TMCO6: variants seen among roughly 807,000 people sequenced by gnomAD.
TMCO6 encodes the protein transmembrane and coiled-coil domain-containing protein 6.
A neutral mutation model predicts 61.8 loss-of-function variants in TMCO6; 47 were observed. The ratio of observed to expected loss-of-function variants is 0.76; its 90% CI spans 0.60 to 0.97. The LOEUF is 0.97. TMCO6 is among the 50% of genes least tolerant of loss of function. The probability of loss-of-function intolerance (pLI) is 0.00; values close to 1 mark genes in which losing one functional copy is unlikely to be tolerated. For missense variants in TMCO6, 557 were observed against 601.6 expected, an observed-to-expected ratio of 0.93 and a Z score of 0.78; for synonymous variants, 261 against 254.2, an observed-to-expected ratio of 1.03 and a Z score of -0.25.
chr5:140,622,037 T>C, the TMCO6 span, among the ~76,000 whole-genome samples: 1 of 152,222 alleles, frequency 6.6e-6, no homozygotes, highest in Non-Finnish European at 1.5e-5. Context: ...CTGCCTCCAC[T>C]TGCCTTGTGA....
At chr5:140,610,304 C>G in the TMCO6 span, among the ~76,000 whole-genome samples, 1 of 151,716 alleles carries the variant, frequency 6.6e-6, no homozygotes, top group South Asian at 2.1e-4. Context: ...TTGCAGTGAG[C>G]TGAGATCATG....
chr5:140,642,648 G>C lies in TMCO6; in HGVS notation c.666G>C (p.Glu222Asp). 1.2e-6 allele frequency: 2 copies of C among 1,614,224 alleles called. No homozygotes were observed. The highest frequency in any genetic ancestry group is 1.7e-6 in the Non-Finnish European group (2 of 1,180,042). The change falls in exon 6 of 12, where the codon GAG becomes GAC. Residue 222 changes from glutamate to aspartate, a missense_variant. By Grantham distance (45) the Glu-to-Asp change is conservative. Coordinates refer to ENST00000394671, the MANE Select transcript of TMCO6 (RefSeq NM_018502.5). ...CCTTGTCCCAGCTTCTACAGGCTGA[G>C]GAAGCTCCAGAGAAGATCATTCCGT... ...GYALSQLLQA[E>D]EAPEKIIPSI... is the part of the protein sequence containing the mutation.
the TMCO6 span, chr5:140,632,862 G>A: frequency 2.9e-5 from 46 of 1,614,028 alleles, no homozygotes; most frequent in Non-Finnish European, 3.6e-5. This position sits in a 1 kb window ranked among gnomAD's most constrained non-coding sequence, Gnocchi z 6.2. Flanking sequence ...GTCGGGCTGA[G>A]GTTCGGAGAA....
At chr5:140,618,426 CAAAAA>C in the TMCO6 span, among the ~76,000 whole-genome samples, 1 of 149,736 alleles carries the variant, frequency 6.7e-6, no homozygotes, top group African/African-American at 2.5e-5. Flanking sequence ...GAGTGAAACT[CAAAAA>C]AGAAAAAGAA....
chr5:140,612,270 C>T, the TMCO6 span, among the ~76,000 whole-genome samples: 1 of 152,130 alleles, frequency 6.6e-6, no homozygotes, highest in East Asian at 1.9e-4. Flanking sequence ...CGCTCCTTGC[C>T]TCACTTCCTT....
At chr5:140,620,133 T>A in the TMCO6 span, among the ~76,000 whole-genome samples, 1 of 152,222 alleles carries the variant, frequency 6.6e-6, no homozygotes, top group African/African-American at 2.4e-5. Context: ...AACTAAGATG[T>A]CCTTTAGTAG....
the TMCO6 span, chr5:140,633,789 CTTTTTTTTTT>C: frequency 8.0e-6 from 1 of 124,406 alleles, no homozygotes. Context: ...AACTTTCTTT[CTTTTTTTTTT>C]TTTTTTTTGA....
chr5:140,642,099 AT>A (rs1561949288), intron 4 of TMCO6, 46 bp downstream of exon 4: 2 of 1,575,678 alleles, frequency 1.3e-6, no homozygotes, highest in East Asian at 4.5e-5. Context: ...AGATTTTAAA[AT>A]TGTGCTTTTG....
the TMCO6 span, among the ~76,000 whole-genome samples, chr5:140,618,018 A>G: frequency 6.6e-6 from 1 of 152,190 alleles, no homozygotes; most frequent in Non-Finnish European, 1.5e-5. Flanking sequence ...ACTTCAAGAT[A>G]CTATAAAGCT....
At position 140,642,063 on chromosome 5, in the gene TMCO6, G is replaced by T. The variant is rs1259441942; in HGVS notation, c.498+10G>T. 3.1e-6 allele frequency: 5 copies of T among 1,593,492 alleles called. No individual in the cohort carries two copies. The South Asian group carries it at 4.4e-5, about 14-fold the overall frequency. The stretch of plus-strand genomic sequence containing the variant: ...CAGCTCAGACTTCATAGTAAGCCCT[G>T]TCCCTTCCTATCTTGTTCTTGGTTT... On this transcript the variant is annotated intron_variant, in intron 4 of 11. Transcript: ENST00000394671.
upstream of TMCO6, among the ~76,000 whole-genome samples, chr5:140,638,293 G>C (rs942658224): frequency 1.3e-5 from 2 of 152,194 alleles, no homozygotes; most frequent in Non-Finnish European, 2.9e-5. Context: ...GTAAAAGAAA[G>C]TGGAGAGGAA....
At chr5:140,626,142 C>T in the TMCO6 span, among the ~76,000 whole-genome samples, 1 of 152,102 alleles carries the variant, frequency 6.6e-6, no homozygotes, top group South Asian at 2.1e-4. Flanking sequence ...ATAGCCAGGC[C>T]AAACCTGTCC....
upstream of TMCO6, among the ~76,000 whole-genome samples, chr5:140,638,570 T>TA (rs1220903768): frequency 1.4e-5 from 2 of 147,250 alleles, no homozygotes; most frequent in Non-Finnish European, 3.0e-5. Flanking sequence ...TCTTTCTTTT[T>TA]TTTTTTTTTG....
chr5:140,639,630 A>T lies in TMCO6; in HGVS notation c.85+18A>T, dbSNP rs1756886135. The T allele has an allele frequency of 6.5e-7, 1 of 1,539,958 alleles. No homozygotes were observed. Among genetic ancestry groups the T allele is most frequent in the South Asian group, 1.2e-5 (1 of 82,772 alleles). On this transcript the variant is annotated intron_variant, in intron 1 of 11. Coordinates refer to ENST00000394671, the MANE Select transcript of TMCO6 (RefSeq NM_018502.5). ...GGAGGCAGGTGTGGGCGGCCGAGGG[A>T]GCGCGGGGGTATATGGCGGTCGGGG...
the TMCO6 span, among the ~76,000 whole-genome samples, chr5:140,602,607 A>T: frequency 1.3e-5 from 2 of 151,974 alleles, no homozygotes; most frequent in Admixed American, 1.3e-4. Context: ...CTACAAAAAT[A>T]CAAAAAATTA....
At chr5:140,611,643 T>G in the TMCO6 span, among the ~76,000 whole-genome samples, 4 of 152,190 alleles carry the variant, frequency 2.6e-5, no homozygotes, top group Non-Finnish European at 4.4e-5. Context: ...TCCCAATTGG[T>G]CATGGTGCAT....
the TMCO6 span, chr5:140,633,069 C>T: frequency 1.2e-6 from 2 of 1,614,152 alleles, no homozygotes; most frequent in Non-Finnish European, 1.7e-6. Context: ...CTACACTCAC[C>T]ATGGTCGATA....
At chr5:140,641,602 A>G in intron 2 of TMCO6, 63 bp from the exon 3 acceptor site, 6 of 1,431,772 alleles carry the variant, frequency 4.2e-6, no homozygotes, top group Admixed American at 1.8e-5. Context: ...AAGTGGGCAG[A>G]GAGAGACTTA....
the TMCO6 span, among the ~76,000 whole-genome samples, chr5:140,630,627 C>T: frequency 3.3e-5 from 5 of 152,192 alleles, no homozygotes; most frequent in Non-Finnish European, 5.9e-5. Flanking sequence ...AAGAAAAAAA[C>T]TGCCTTGAGA....
Sources: gnomAD v4.1 joint callset for allele counts (sites outside exome capture counted in the v4.1 genomes callset) on GRCh38, gnomAD v4.1.1 for gene constraint, Gnocchi (gnomAD v3.1) non-coding constraint, MANE v1.5 for transcripts, NCBI Gene and HGNC (gene_info 2026-07-23, HGNC 2026-07-21) for gene names.